Variants in CDKN2B-AS1 observed in about 807,000 individuals in gnomAD.
CDKN2B-AS1 encodes the protein CDKN2B and CDKN2A antisense cis and trans regulatory RNA 1, also known as CDKN2B antisense RNA 1 (non-protein coding).
At chr9:22,124,757 G>C (rs1817991028) in intron 4 of CDKN2B-AS1, among the ~76,000 whole-genome samples, 1 of 152,194 alleles carries the variant, frequency 6.6e-6, no homozygotes, top group Non-Finnish European at 1.5e-5. Context: ...TCTCAGCTAA[G>C]TTAGAATGTG....
At chr9:22,069,001 AT>A (rs1383646860) in intron 4 of CDKN2B-AS1, among the ~76,000 whole-genome samples, 1 of 152,092 alleles carries the variant, frequency 6.6e-6, no homozygotes, top group African/African-American at 2.4e-5. Context: ...TCAGAAACTC[AT>A]TTGCACACTC....
At chr9:22,030,213 C>G (rs1348982006) in intron 1 of CDKN2B-AS1, 3 of 152,160 alleles carry the variant, frequency 2.0e-5, no homozygotes, top group Admixed American at 2.0e-4. Flanking sequence ...TACACTTCCT[C>G]TTTTGTAATG....
intron 1 of CDKN2B-AS1, among the ~76,000 whole-genome samples, chr9:22,007,344 G>C (rs1296104433): frequency 7.0e-6 from 1 of 142,684 alleles, no homozygotes; most frequent in Non-Finnish European, 1.5e-5. Context: ...GTCCGACAGA[G>C]TGAGGCCTCA....
At chr9:22,111,743 A>G (rs996139142) in intron 4 of CDKN2B-AS1, among the ~76,000 whole-genome samples, 2 of 152,168 alleles carry the variant, frequency 1.3e-5, no homozygotes, top group Admixed American at 1.3e-4. Flanking sequence ...AAGAAATTCG[A>G]AAGTAGATAA....
exon 5 of CDKN2B-AS1, among the ~76,000 whole-genome samples, chr9:22,127,549 A>G (rs1818036774): frequency 1.3e-5 from 2 of 152,124 alleles, no homozygotes; most frequent in African/African-American, 4.8e-5. Flanking sequence ...TGTTTAACAG[A>G]GAAGGATGGT....
At chr9:22,079,687 CT>C (rs1563968357) in intron 4 of CDKN2B-AS1, among the ~76,000 whole-genome samples, 1 of 151,920 alleles carries the variant, frequency 6.6e-6, no homozygotes, top group African/African-American at 2.4e-5. Flanking sequence ...CGAGTGTTTC[CT>C]TTTTTTCAGA....
chr9:22,008,743 G>T (rs1185525475), intron 1 of CDKN2B-AS1: 1 of 1,610,526 alleles, frequency 6.2e-7, no homozygotes, highest in Admixed American at 1.7e-5. Flanking sequence ...ATCCGCCGAG[G>T]CCGCGCCCCG....
At chr9:22,111,162 C>T (rs1334669747) in intron 4 of CDKN2B-AS1, among the ~76,000 whole-genome samples, 2 of 151,776 alleles carry the variant, frequency 1.3e-5, no homozygotes, top group African/African-American at 4.8e-5. Context: ...TCTTATACTA[C>T]CTGGCGTGTA....
intron 3 of CDKN2B-AS1, among the ~76,000 whole-genome samples, chr9:22,053,677 G>A (rs1823444596): frequency 6.6e-6 from 1 of 152,090 alleles, no homozygotes; most frequent in Admixed American, 6.6e-5. Context: ...GCTGATGTTT[G>A]GAGCAAGAAC....
At chr9:22,011,982 T>C (rs940115917) in intron 1 of CDKN2B-AS1, among the ~76,000 whole-genome samples, 2 of 152,176 alleles carry the variant, frequency 1.3e-5, no homozygotes, top group Admixed American at 1.3e-4. Context: ...TGGAGGTCAG[T>C]AGAAGGGAAT....
intron 3 of CDKN2B-AS1, among the ~76,000 whole-genome samples, chr9:22,054,861 C>G (rs984939934): frequency 2.0e-5 from 3 of 151,782 alleles, no homozygotes; most frequent in African/African-American, 7.3e-5. Context: ...AAGCAATTCT[C>G]CTGCCTCTGC....
At chr9:22,080,986 TAA>T (rs1429569025) in intron 4 of CDKN2B-AS1, among the ~76,000 whole-genome samples, 4 of 152,170 alleles carry the variant, frequency 2.6e-5, no homozygotes, top group South Asian at 2.1e-4. Flanking sequence ...AGTAGAAAAA[TAA>T]AGAGTTTAAT....
At chr9:22,119,207 G>C (rs1298880079) in intron 4 of CDKN2B-AS1, 5 of 152,052 alleles carry the variant, frequency 3.3e-5, no homozygotes, top group Non-Finnish European at 7.4e-5. Context: ...CTGGCATCTA[G>C]TAAGCATTCA....
intron 1 of CDKN2B-AS1, chr9:22,008,865 A>C: frequency 6.2e-7 from 1 of 1,611,922 alleles, no homozygotes; most frequent in Non-Finnish European, 8.5e-7. Flanking sequence ...GAGCTGTCGC[A>C]CCTTCTCCAC....
chr9:22,105,017 CA>C (rs1297120837), intron 4 of CDKN2B-AS1, among the ~76,000 whole-genome samples: 1 of 152,062 alleles, frequency 6.6e-6, no homozygotes, highest in Non-Finnish European at 1.5e-5. Flanking sequence ...AAGGAGTCAA[CA>C]AAAAAATACT....
At chr9:22,063,100 G>A (rs1038278836) in intron 4 of CDKN2B-AS1, among the ~76,000 whole-genome samples, 2 of 151,948 alleles carry the variant, frequency 1.3e-5, no homozygotes, top group Non-Finnish European at 2.9e-5. Flanking sequence ...AAGTTTTAAT[G>A]GTGCTTAGGA....
rs538535635 is a variant in CDKN2B-AS1, at chr9:21,996,679, A to T, written n.29+1518A>T. Reference sequence around the variant, plus strand: ...ACGCCCCCAGCATTCCCCTCCTACCACCACCTTCAGCCGGCCTCCGCCTCT... The same window carrying T: ...ACGCCCCCAGCATTCCCCTCCTACCTCCACCTTCAGCCGGCCTCCGCCTCT... On this transcript the variant is annotated intron_variant and non_coding_transcript_variant, in intron 1 of 4. Transcript: ENST00000650946. This position sits in a 1 kb window ranked among gnomAD's most constrained non-coding sequence, Gnocchi z 5.4. Among the ~76,000 whole-genome samples the T allele has an allele frequency of 1.3e-5, 2 of 152,012 alleles. No homozygotes were observed. The highest frequency in any genetic ancestry group is 1.3e-4 in the Admixed American group (2 of 15,266).
Position 22,006,027 on chromosome 9 carries a change from C to G in CDKN2B-AS1, n.29+10866C>G. ...TGTGCGCAGGTACCCTGCAACGTCG[C>G]GGTGGCCCCGCTCCTCGGCCAAGTC... On this transcript the variant is annotated intron_variant and non_coding_transcript_variant, in intron 1 of 4. Transcript: ENST00000650946. This position sits in a 1 kb window ranked among gnomAD's most constrained non-coding sequence, Gnocchi z 6.4. The G allele has an allele frequency of 6.2e-7, 1 of 1,603,898 alleles. No individual in the cohort carries two copies. Among genetic ancestry groups the G allele is most frequent in the Admixed American group, 1.7e-5 (1 of 59,930 alleles).
chr9:21,995,952 G>A lies in CDKN2B-AS1; in HGVS notation n.29+791G>A. The A allele has an allele frequency of 6.5e-6, 1 of 152,850 alleles. No homozygotes were observed. The highest frequency in any genetic ancestry group is 1.9e-4 in the East Asian group (1 of 5,184). The allele number at this position is 152,850 out of a possible 1,614,324, so 9.5% of individuals were successfully genotyped here. Reference sequence around the variant, plus strand: ...TGTGTGCCAGAGGATTCGGGACTAGGCCCAGCTCCGGGAACCTGGAAATGT... The same window carrying A: ...TGTGTGCCAGAGGATTCGGGACTAGACCCAGCTCCGGGAACCTGGAAATGT... On this transcript the variant is annotated intron_variant and non_coding_transcript_variant, in intron 1 of 4. Transcript: ENST00000650946. The surrounding 1 kb of genome is among the most constrained non-coding windows in gnomAD (Gnocchi z 5.7).
Sources: allele counts gnomAD v4.1 joint callset (sites outside exome capture counted in the v4.1 genomes callset), GRCh38; gene constraint gnomAD v4.1.1; non-coding constraint Gnocchi (gnomAD v3.1); transcripts MANE v1.5; gene names NCBI Gene and HGNC (gene_info 2026-07-23, HGNC 2026-07-21).